The following AP3B1 variants were observed in gnomAD, a reference collection of about 807,000 sequenced individuals.
AP3B1 encodes the protein AP-3 complex subunit beta-1.
A neutral mutation model predicts 132.5 loss-of-function variants in AP3B1; 61 were observed. That is an observed-to-expected ratio of 0.46 (90% CI 0.37 to 0.57). AP3B1 has a LOEUF of 0.57. Among genes scored for constraint, AP3B1 ranks in the 20% least tolerant of loss-of-function variants. The pLI, the probability that AP3B1 is intolerant of heterozygous loss-of-function variation, is 0.00. For missense variants in AP3B1, 1,120 were observed against 1,289.4 expected (o/e 0.87, Z 2.01); for synonymous variants, 388 against 438.3 (o/e 0.89, Z 1.43).
intron 4 of AP3B1, among the ~76,000 whole-genome samples, chr5:78,227,921 T>C (rs1342805977): frequency 6.6e-6 from 1 of 152,090 alleles, no homozygotes; most frequent in African/African-American, 2.4e-5. Context: ...AATAATTATA[T>C]TGAATATAAA....
chr5:78,102,643 A>C (rs1278452262), intron 20 of AP3B1, among the ~76,000 whole-genome samples: 1 of 152,140 alleles, frequency 6.6e-6, no homozygotes, highest in Non-Finnish European at 1.5e-5. Context: ...CCTGTGAAGA[A>C]AGAACATATA....
At chr5:78,173,891 C>CT (rs1185706475) in intron 11 of AP3B1, among the ~76,000 whole-genome samples, 4 of 152,070 alleles carry the variant, frequency 2.6e-5, no homozygotes, top group African/African-American at 9.7e-5. Flanking sequence ...TCTTTTAAGT[C>CT]TTTTTTCTAT....
chr5:78,270,915 C>T (rs9293736), intron 1 of AP3B1, among the ~76,000 whole-genome samples: 36,155 of 152,022 alleles, frequency 0.24, 5,132 homozygotes, highest in Non-Finnish European at 0.32. Context: ...ATTTGTGACA[C>T]AGCAATGAAC....
intron 24 of AP3B1, among the ~76,000 whole-genome samples, chr5:78,023,024 T>A (rs539396278): frequency 7.9e-5 from 12 of 152,150 alleles, no homozygotes; most frequent in Non-Finnish European, 1.8e-4. Context: ...AATATACAGC[T>A]TCCCCAGGGT....
At position 78,113,781 on chromosome 5, in the gene AP3B1, G is replaced by A. The variant is rs751500951; in HGVS notation, c.2220C>T (p.Ala740=). ...RESGLENKRT[A]KRNSKAKGKS... ...TTCCTTTGGCTTTTGAGTTCCTCTT[G>A]GCTGTTCTTTTGTTTTCTAGGCCTG... The change falls in exon 19 of 27, where the codon GCC becomes GCT. Residue 740 remains alanine (A), a synonymous_variant. Coordinates refer to ENST00000255194, the MANE Select transcript of AP3B1 (RefSeq NM_003664.5). 1.2e-6 allele frequency: 2 copies of A among 1,613,966 alleles called. No homozygotes were observed. The highest frequency in any genetic ancestry group is 1.7e-6 in the Non-Finnish European group (2 of 1,180,022).
At chr5:78,237,470 A>C (rs530484262) in intron 3 of AP3B1, among the ~76,000 whole-genome samples, 14 of 151,772 alleles carry the variant, frequency 9.2e-5, no homozygotes, top group South Asian at 2.1e-4. Context: ...GTTCCCCCCC[A>C]AAAAAAGCAA....
chr5:78,255,157 A>G (rs1471898381), intron 2 of AP3B1, among the ~76,000 whole-genome samples: 3 of 146,654 alleles, frequency 2.0e-5, no homozygotes, highest in Non-Finnish European at 4.4e-5. Context: ...TCCCTTCACT[A>G]GAAGACAGGA....
intron 1 of AP3B1, among the ~76,000 whole-genome samples, chr5:78,288,448 T>C (rs965968606): frequency 6.6e-6 from 1 of 152,294 alleles, no homozygotes; most frequent in Admixed American, 6.5e-5. Context: ...AAAATCCTGA[T>C]TGTAAAGTTC....
At chr5:78,288,159 T>C (rs760238947) in intron 1 of AP3B1, among the ~76,000 whole-genome samples, 4 of 152,216 alleles carry the variant, frequency 2.6e-5, no homozygotes, top group Non-Finnish European at 5.9e-5. Context: ...TAAATCACTG[T>C]TTACACAAAC....
intron 26 of AP3B1, among the ~76,000 whole-genome samples, chr5:78,003,692 ATCTT>A (rs945375887): frequency 3.3e-5 from 5 of 152,316 alleles, no homozygotes; most frequent in South Asian, 4.1e-4. Context: ...AGGACATTAG[ATCTT>A]TCTTTCTGTA....
rs574384560 is a variant in AP3B1, at chr5:78,294,385, T to C, written c.128+67A>G. 33 of 1,609,166 alleles carry C rather than the reference T, an allele frequency of 2.1e-5. 1 individual carries two copies. The South Asian group carries it at 3.1e-4, about 15-fold the overall frequency. On this transcript the variant is annotated intron_variant, in intron 1 of 26. Transcript: ENST00000255194. ...CCGCTCCTCTCCAGGAAGCCCACCC[T>C]GGCGCCCACTCCTCCGAGTCCGCAG...
intron 1 of AP3B1, among the ~76,000 whole-genome samples, chr5:78,271,368 C>T (rs1221787299): frequency 6.6e-6 from 1 of 152,112 alleles, no homozygotes; most frequent in Non-Finnish European, 1.5e-5. Flanking sequence ...TTGCAGTGAG[C>T]CGAGATGGCA....
chr5:78,188,447 GAT>G (rs1367647270), intron 7 of AP3B1, among the ~76,000 whole-genome samples: 2 of 152,114 alleles, frequency 1.3e-5, no homozygotes, highest in Non-Finnish European at 2.9e-5. Context: ...CTCAAAAAAA[GAT>G]ATACATGCAG....
At chr5:78,011,323 G>A (rs1324850681) in intron 26 of AP3B1, among the ~76,000 whole-genome samples, 1 of 152,092 alleles carries the variant, frequency 6.6e-6, no homozygotes, top group Non-Finnish European at 1.5e-5. Flanking sequence ...TGGGATTACG[G>A]GCATGAGCCA....
At chr5:78,247,646 A>G (rs1747435046) in intron 2 of AP3B1, among the ~76,000 whole-genome samples, 2 of 152,120 alleles carry the variant, frequency 1.3e-5, no homozygotes, top group Non-Finnish European at 2.9e-5. Context: ...TCTCTCTGAT[A>G]TAAATAGATT....
intron 22 of AP3B1, among the ~76,000 whole-genome samples, chr5:78,039,883 G>T (rs1379284572): frequency 3.4e-5 from 5 of 148,662 alleles, no homozygotes; most frequent in Admixed American, 2.0e-4. Flanking sequence ...TTTTTGCTGG[G>T]GGGCAGGGAT....
At chr5:78,098,878 T>C (rs1396435747) in intron 21 of AP3B1, among the ~76,000 whole-genome samples, 1 of 152,094 alleles carries the variant, frequency 6.6e-6, no homozygotes, top group African/African-American at 2.4e-5. Flanking sequence ...TAAGGTAATT[T>C]CAGATAGTGA....
intron 7 of AP3B1, 89 bp from the exon 8 acceptor site, chr5:78,181,751 C>G (rs893732347): frequency 1.7e-6 from 2 of 1,144,116 alleles, no homozygotes; most frequent in African/African-American, 1.6e-5. Context: ...CTTTAAACAT[C>G]TATAACAACA....
intron 15 of AP3B1, among the ~76,000 whole-genome samples, chr5:78,131,709 T>G (rs147465290): frequency 6.6e-6 from 1 of 152,144 alleles, no homozygotes; most frequent in African/African-American, 2.4e-5. Context: ...GGTGAGATAG[T>G]GCAAATGACA....
Sources: gnomAD v4.1 joint callset for allele counts (sites outside exome capture counted in the v4.1 genomes callset) on GRCh38, gnomAD v4.1.1 for gene constraint, MANE v1.5 for transcripts, NCBI Gene and HGNC (gene_info 2026-07-23, HGNC 2026-07-21) for gene names.